AP4E1: variants seen among roughly 807,000 people sequenced by gnomAD.
The protein encoded by AP4E1 is AP-4 complex subunit epsilon-1.
In AP4E1, 56 loss-of-function variants were observed where a neutral mutation model predicts 128.2. That is an observed-to-expected ratio of 0.44 (90% CI 0.35 to 0.55). AP4E1 has a LOEUF of 0.55. Among genes scored for constraint, AP4E1 ranks in the 20% least tolerant of loss-of-function variants. The probability of loss-of-function intolerance (pLI) is 0.00; values close to 1 mark genes in which losing one functional copy is unlikely to be tolerated. For synonymous variants in AP4E1, 484 were observed against 473.1 expected, an observed-to-expected ratio of 1.02 and a Z score of -0.30; for missense variants, 1,324 against 1,307.7, an observed-to-expected ratio of 1.01 and a Z score of -0.19.
chr15:50,927,008 A>C (rs2063777451), intron 5 of AP4E1, among the ~76,000 whole-genome samples: 1 of 152,218 alleles, frequency 6.6e-6, no homozygotes, highest in African/African-American at 2.4e-5. Context: ...TGTATATCAT[A>C]TCTGTGTTTA....
intron 16 of AP4E1, among the ~76,000 whole-genome samples, chr15:50,984,686 T>G (rs552954365): frequency 4.0e-4 from 61 of 152,256 alleles, no homozygotes; most frequent in Middle Eastern, 6.8e-3. Context: ...ATGTGCCACA[T>G]TTTCTTAATC....
At chr15:50,920,905 T>C (rs2063694952) in intron 3 of AP4E1, among the ~76,000 whole-genome samples, 1 of 152,158 alleles carries the variant, frequency 6.6e-6, no homozygotes, top group South Asian at 2.1e-4. Flanking sequence ...TTCAAGCGAT[T>C]TTCCTGCCTC....
At chr15:50,945,473 T>C (rs2140852524) in intron 10 of AP4E1, 1 of 767,570 alleles carries the variant, frequency 1.3e-6, no homozygotes, top group Non-Finnish European at 2.4e-6. Flanking sequence ...ATGTGTGCAC[T>C]GGACACTCCT....
rs1351857792 is a variant in AP4E1, at chr15:50,908,721, A to C, written c.-58A>C. On this transcript the variant is annotated 5_prime_UTR_variant, in exon 1 of 21. An upstream start codon of the reference 5' UTR is lost. Transcript: ENST00000261842. ...GCCGGGCCGGCAGCGGCGGCCGGGC[A>C]TGAAGCCGGGCGGCTACGGGATCGC... The C allele has an allele frequency of 7.0e-7, 1 of 1,437,370 alleles. No individual in the cohort carries two copies. Among genetic ancestry groups the C allele is most frequent in the Non-Finnish European group, 9.1e-7 (1 of 1,094,498 alleles). The allele number at this position is 1,437,370 out of a possible 1,614,324, so 89.0% of individuals were successfully genotyped here.
intron 15 of AP4E1, among the ~76,000 whole-genome samples, chr15:50,976,548 A>G (rs1422804354): frequency 3.9e-5 from 6 of 152,222 alleles, no homozygotes; most frequent in Non-Finnish European, 2.9e-5. Flanking sequence ...GTTAAGAAAA[A>G]GAAGAGAGGT....
chr15:50,958,891 T>G, intron 14 of AP4E1, 97 bp downstream of exon 14: 1 of 1,299,612 alleles, frequency 7.7e-7, no homozygotes, highest in Non-Finnish European at 1.1e-6. Context: ...CAAAATGTGG[T>G]TTCTGTAGCA....
chr15:50,941,698 G>T lies in AP4E1; in HGVS notation c.1099G>T (p.Asp367Tyr). ...LKALTYVIQQDPTLALQHQMT... is the reference protein window; with the variant it reads ...LKALTYVIQQYPTLALQHQMT... ...GGCTCTTACCTATGTTATCCAACAG[G>T]ATCCTACTCTGGCTCTTCAACACCA... Residue 367 changes from aspartate (D) to tyrosine (Y), a missense_variant, in exon 10 of 21, where the codon GAT becomes TAT. By Grantham distance (160) the Asp-to-Tyr change is radical. Transcript: ENST00000261842. The T allele has an allele frequency of 6.2e-7, 1 of 1,613,668 alleles. No homozygotes were observed. Among genetic ancestry groups the T allele is most frequent in the Non-Finnish European group, 8.5e-7 (1 of 1,179,772 alleles).
intron 16 of AP4E1, among the ~76,000 whole-genome samples, chr15:50,990,263 T>C (rs2064785725): frequency 6.6e-6 from 1 of 151,348 alleles, no homozygotes; most frequent in Non-Finnish European, 1.5e-5. Flanking sequence ...ATGTTTCATA[T>C]AATTAAGAAG....
At chr15:50,913,411 G>GA (rs1426699962) in intron 2 of AP4E1, among the ~76,000 whole-genome samples, 2 of 152,204 alleles carry the variant, frequency 1.3e-5, no homozygotes, top group Non-Finnish European at 2.9e-5. Context: ...GCAGAAACCT[G>GA]AAGTTGGGCA....
chr15:50,938,351 C>G (rs1484343973), intron 8 of AP4E1, among the ~76,000 whole-genome samples: 3 of 152,138 alleles, frequency 2.0e-5, no homozygotes, highest in Non-Finnish European at 2.9e-5. Flanking sequence ...GATAACCCCT[C>G]TATTCCTTCC....
intron 15 of AP4E1, among the ~76,000 whole-genome samples, chr15:50,977,706 G>GTTGTTTTTTTTT (rs2064571711): frequency 1.2e-5 from 1 of 80,296 alleles, no homozygotes; most frequent in African/African-American, 4.7e-5. Context: ...ATCTGTTATG[G>GTTGTTTTTTTTT]TTTTTTTTTT....
At position 50,908,908 on chromosome 15, in the gene AP4E1, A is replaced by G. The variant is rs761496023; in HGVS notation, c.130A>G (p.Thr44Ala). 5.6e-6 allele frequency: 9 copies of G among 1,610,970 alleles called. No homozygotes were observed. The South Asian group carries it at 7.7e-5, about 14-fold the overall frequency. ...SRLGSLVRGI[T>A]ALTSKHEEEK... Reference sequence around the variant, plus strand: ...GCTGGGCAGCCTTGTCCGCGGCATCACAGCCCTCACCTCCAAGCACGTAGG... The same window carrying G: ...GCTGGGCAGCCTTGTCCGCGGCATCGCAGCCCTCACCTCCAAGCACGTAGG... The change falls in exon 1 of 21, where the codon ACA becomes GCA. Residue 44 changes from threonine to alanine, a missense_variant. Coordinates refer to ENST00000261842, the MANE Select transcript of AP4E1 (RefSeq NM_007347.5).
intron 2 of AP4E1, 111 bp from the exon 3 acceptor site, chr15:50,915,337 A>G: frequency 8.8e-7 from 1 of 1,141,316 alleles, no homozygotes; most frequent in South Asian, 1.4e-5. Context: ...TATATATGTT[A>G]TTTCTTCAGC....
chr15:50,955,317 GT>G (rs1202679805), intron 13 of AP4E1, among the ~76,000 whole-genome samples: 1 of 152,136 alleles, frequency 6.6e-6, no homozygotes, highest in East Asian at 1.9e-4. Context: ...AAGTGTTCCT[GT>G]TTCTCCACAT....
chr15:50,924,327 T>C (rs958333233), intron 4 of AP4E1, among the ~76,000 whole-genome samples: 2 of 152,166 alleles, frequency 1.3e-5, no homozygotes, highest in Non-Finnish European at 2.9e-5. Flanking sequence ...TGTTATCTTT[T>C]TTTCTAGGAT....
At chr15:50,965,259 G>C (rs535527598) in intron 14 of AP4E1, among the ~76,000 whole-genome samples, 1 of 152,286 alleles carries the variant, frequency 6.6e-6, no homozygotes, top group African/African-American at 2.4e-5. Flanking sequence ...CTGTAGAAAG[G>C]CTTTGCTGAG....
At chr15:50,974,211 C>G (rs1222336203) in intron 15 of AP4E1, among the ~76,000 whole-genome samples, 2 of 151,764 alleles carry the variant, frequency 1.3e-5, no homozygotes, top group East Asian at 3.9e-4. Context: ...AGTGATCCAC[C>G]TGTCTTGGCT....
At chr15:50,918,645 A>G (rs1336583725) in intron 3 of AP4E1, among the ~76,000 whole-genome samples, 8 of 152,150 alleles carry the variant, frequency 5.3e-5, no homozygotes, top group Non-Finnish European at 1.0e-4. Flanking sequence ...AACTATTTTC[A>G]TTAGTTTCTG....
At chr15:50,970,658 G>C (rs2140897309) in intron 15 of AP4E1, among the ~76,000 whole-genome samples, 1 of 152,104 alleles carries the variant, frequency 6.6e-6, no homozygotes, top group South Asian at 2.1e-4. Flanking sequence ...AATCTGTTTT[G>C]TTTGTTATTA....
Sources: gnomAD v4.1 joint callset for allele counts (sites outside exome capture counted in the v4.1 genomes callset) on GRCh38, gnomAD v4.1.1 for gene constraint, MANE v1.5 for transcripts, NCBI Gene and HGNC (gene_info 2026-07-23, HGNC 2026-07-21) for gene names.